EXOC6: variants seen among roughly 807,000 people sequenced by gnomAD.
EXOC6 encodes the protein SEC15-like 1.
A neutral mutation model predicts 112.5 loss-of-function variants in EXOC6; 60 were observed. The ratio of observed to expected loss-of-function variants is 0.53; its 90% CI spans 0.43 to 0.66. The LOEUF is 0.66. Ranked by LOEUF, EXOC6 falls within the 30% of genes least tolerant of loss-of-function variation. The pLI is 0.00. For missense variants in EXOC6, 855 were observed against 957.1 expected (o/e 0.89, Z 1.41); for synonymous variants, 295 against 308.0 (o/e 0.96, Z 0.44).
chr10:92,887,436 C>T lies in EXOC6; in HGVS notation c.102-5913C>T, dbSNP rs553903933. 2.6e-3 allele frequency among the ~76,000 whole-genome samples: 293 copies of T among 112,848 alleles called. 1 individual carries two copies. The highest frequency in any genetic ancestry group is 9.6e-3 in the African/African-American group (281 of 29,266). 74.0% of individuals were successfully genotyped at this position (112,848 alleles called of 152,430 possible). A position where few individuals can be genotyped will look rare whatever the true frequency, so the allele number is the denominator to read the frequency against. ...TTTGGAGACGGAGTTTCGTTCTTAT[C>T]GCCCAGGCTGGAGTGCAGTGGTGTG... On this transcript the variant is annotated intron_variant, in intron 1 of 21. Transcript: ENST00000260762.
chr10:92,849,269 A>G (rs1164720121), intron 1 of EXOC6, among the ~76,000 whole-genome samples: 1 of 152,074 alleles, frequency 6.6e-6, no homozygotes, highest in African/African-American at 2.4e-5. Flanking sequence ...CGCTAGGGTG[A>G]CCCTGCGCTC....
intron 12 of EXOC6, among the ~76,000 whole-genome samples, 187 bp from the exon 13 acceptor site, chr10:92,940,540 C>G (rs1852599923): frequency 6.6e-6 from 1 of 152,102 alleles, no homozygotes; most frequent in African/African-American, 2.4e-5. Flanking sequence ...AAAACTCTTT[C>G]TGAACCTCTT....
intron 1 of EXOC6, among the ~76,000 whole-genome samples, chr10:92,842,178 GT>G (rs1846879355): frequency 6.6e-6 from 1 of 152,082 alleles, no homozygotes; most frequent in Non-Finnish European, 1.5e-5. Flanking sequence ...GGCCAACATG[GT>G]GAAACCCTGT....
chr10:92,949,893 G>A (rs1354960897), intron 14 of EXOC6, among the ~76,000 whole-genome samples: 1 of 152,062 alleles, frequency 6.6e-6, no homozygotes, highest in Admixed American at 6.6e-5. Context: ...ACTGTACCTG[G>A]CTGCTTGTGG....
intron 1 of EXOC6, among the ~76,000 whole-genome samples, chr10:92,888,212 G>A (rs1849324689): frequency 6.6e-6 from 1 of 152,152 alleles, no homozygotes; most frequent in South Asian, 2.1e-4. Flanking sequence ...TCTATTAATG[G>A]AGGGTGGGTA....
intron 20 of EXOC6, among the ~76,000 whole-genome samples, chr10:93,041,412 G>C (rs1410856585): frequency 6.6e-6 from 1 of 152,106 alleles, no homozygotes; most frequent in African/African-American, 2.4e-5. Context: ...ATTTATTTGA[G>C]ATGGAGTCTC....
chr10:92,902,994 G>A, intron 5 of EXOC6, among the ~76,000 whole-genome samples: 1 of 152,092 alleles, frequency 6.6e-6, no homozygotes. Context: ...AGACTGCCAT[G>A]AAATTAAGGT....
At chr10:93,009,209 CA>C (rs1457375546) in intron 19 of EXOC6, among the ~76,000 whole-genome samples, 1 of 151,250 alleles carries the variant, frequency 6.6e-6, no homozygotes. Flanking sequence ...GACCCTGTCG[CA>C]AAAAAAATTA....
intron 18 of EXOC6, among the ~76,000 whole-genome samples, chr10:92,989,838 G>A (rs1008273241): frequency 6.6e-6 from 1 of 152,128 alleles, no homozygotes; most frequent in African/African-American, 2.4e-5. Flanking sequence ...AGATAAATTT[G>A]CATTAGAGAT....
chr10:92,917,708 T>G (rs1257205765), intron 7 of EXOC6, among the ~76,000 whole-genome samples: 2 of 151,952 alleles, frequency 1.3e-5, no homozygotes, highest in African/African-American at 4.8e-5. Flanking sequence ...AAAAAAAAAT[T>G]TCTTATAGAG....
chr10:92,834,829 G>A (rs563955356), intron 1 of EXOC6: 2 of 1,564,456 alleles, frequency 1.3e-6, no homozygotes, highest in East Asian at 4.5e-5. Flanking sequence ...TTTAAGGTAG[G>A]GCACCGTTGC....
intron 20 of EXOC6, among the ~76,000 whole-genome samples, chr10:93,031,307 A>G (rs1356001635): frequency 1.3e-5 from 2 of 152,082 alleles, no homozygotes; most frequent in Non-Finnish European, 2.9e-5. Flanking sequence ...ATTAATTGAA[A>G]CCAGGGAAGA....
At chr10:92,910,651 C>A (rs1405018649) in intron 6 of EXOC6, among the ~76,000 whole-genome samples, 1 of 151,998 alleles carries the variant, frequency 6.6e-6, no homozygotes. Context: ...TAATTTGGGG[C>A]CGGGCGGGGT....
intron 20 of EXOC6, among the ~76,000 whole-genome samples, chr10:93,023,790 A>G (rs529726846): frequency 2.0e-5 from 3 of 152,246 alleles, no homozygotes; most frequent in Non-Finnish European, 4.4e-5. Flanking sequence ...AAAAAAATTT[A>G]AACTATATTA....
chr10:92,859,821 A>ATGTGTGTGTGTGTG (rs10617958), intron 1 of EXOC6, among the ~76,000 whole-genome samples: 6 of 141,700 alleles, frequency 4.2e-5, no homozygotes, highest in South Asian at 2.3e-4. Context: ...GTTTGTGTGC[A>ATGTGTGTGTGTGTG]TGTGTGTGTG....
chr10:92,922,356 C>G (rs1196044632), intron 8 of EXOC6, among the ~76,000 whole-genome samples: 1 of 152,162 alleles, frequency 6.6e-6, no homozygotes, highest in Admixed American at 6.6e-5. Flanking sequence ...TTGAGTTCCT[C>G]ATTTGCAAAA....
At chr10:92,855,846 A>G (rs1259524853) in intron 1 of EXOC6, among the ~76,000 whole-genome samples, 2 of 149,388 alleles carry the variant, frequency 1.3e-5, no homozygotes, top group Non-Finnish European at 3.0e-5. Flanking sequence ...TGTTTTATTG[A>G]TTTTTTTCTC....
At chr10:93,040,899 C>T (rs1322880374) in intron 20 of EXOC6, among the ~76,000 whole-genome samples, 1 of 152,184 alleles carries the variant, frequency 6.6e-6, no homozygotes, top group Admixed American at 6.5e-5. Flanking sequence ...ATGTTGGTTT[C>T]CCCAAGGTTT....
chr10:92,949,387 A>G (rs1410520954), intron 14 of EXOC6, among the ~76,000 whole-genome samples: 1 of 152,232 alleles, frequency 6.6e-6, no homozygotes, highest in African/African-American at 2.4e-5. Flanking sequence ...CTATGTTTTA[A>G]TACAAGAGGC....
Sources: allele counts gnomAD v4.1 joint callset (sites outside exome capture counted in the v4.1 genomes callset), GRCh38; gene constraint gnomAD v4.1.1; transcripts MANE v1.5; gene names NCBI Gene and HGNC (gene_info 2026-07-23, HGNC 2026-07-21).